RIPOR3: variants seen among roughly 807,000 people sequenced by gnomAD.
RIPOR3 encodes RIPOR family member 3.
In RIPOR3, 95 loss-of-function variants were observed where a neutral mutation model predicts 114.3. The observed-to-expected ratio is 0.83, with a 90% confidence interval of 0.70 to 0.99. The LOEUF is 0.99. Among genes scored for constraint, RIPOR3 ranks in the 50% least tolerant of loss-of-function variants. The pLI is 0.00. For missense variants in RIPOR3, 1,252 were observed against 1,266.9 expected (o/e 0.99, Z 0.18); for synonymous variants, 575 against 543.8 (o/e 1.06, Z -0.80).
chr20:50,660,965 C>T (rs1232592411), intron 1 of RIPOR3, among the ~76,000 whole-genome samples: 4 of 151,836 alleles, frequency 2.6e-5, no homozygotes, highest in South Asian at 2.1e-4. Flanking sequence ...AGGCCGGGTG[C>T]GGTGTCTCAT....
chr20:50,691,302 G>A lies in RIPOR3; in HGVS notation c.-174C>T. 1 of 807,492 alleles carries A rather than the reference G, an allele frequency of 1.2e-6. No homozygotes were observed. The highest frequency in any genetic ancestry group is 1.7e-6 in the Non-Finnish European group (1 of 571,620). The allele number at this position is 807,492 out of a possible 1,614,324, so 50.0% of individuals were successfully genotyped here. ...ACCAGCCGCTGGTCCCGCTCTCTGGGAAGATCGCCTTGAGGACCTGCTGCG... is the reference window on the plus strand; with the variant it reads ...ACCAGCCGCTGGTCCCGCTCTCTGGAAAGATCGCCTTGAGGACCTGCTGCG... On this transcript the variant is annotated 5_prime_UTR_variant, in exon 1 of 22. Coordinates refer to ENST00000327979, the MANE Select transcript of RIPOR3 (RefSeq NM_001290268.2).
At chr20:50,599,462 A>G (rs1441083343) in intron 13 of RIPOR3, among the ~76,000 whole-genome samples, 2 of 152,148 alleles carry the variant, frequency 1.3e-5, no homozygotes, top group African/African-American at 4.8e-5. Context: ...CATCGCTACA[A>G]CTCATGCCTG....
intron 1 of RIPOR3, among the ~76,000 whole-genome samples, chr20:50,665,387 A>ACTTGGCT (rs1288000350): frequency 6.7e-6 from 1 of 148,342 alleles, no homozygotes; most frequent in African/African-American, 2.5e-5. Context: ...TGTCTGGCTA[A>ACTTGGCT]CTTGGCTCTA....
intron 11 of RIPOR3, among the ~76,000 whole-genome samples, chr20:50,605,079 T>C (rs1229434302): frequency 6.6e-6 from 1 of 152,084 alleles, no homozygotes; most frequent in Non-Finnish European, 1.5e-5. Flanking sequence ...TGTACCACCA[T>C]GCTGGACTAA....
chr20:50,622,428 T>C (rs1343463340), intron 2 of RIPOR3, among the ~76,000 whole-genome samples: 1 of 152,098 alleles, frequency 6.6e-6, no homozygotes, highest in African/African-American at 2.4e-5. Context: ...ATGATCCACC[T>C]GCCTCAGCCT....
chr20:50,635,984 C>T (rs2084972546), intron 1 of RIPOR3, among the ~76,000 whole-genome samples: 1 of 152,246 alleles, frequency 6.6e-6, no homozygotes, highest in African/African-American at 2.4e-5. Flanking sequence ...TCAAGCCCAA[C>T]CTCTTTTGGC....
At chr20:50,607,400 A>T (rs1237883595) in intron 11 of RIPOR3, among the ~76,000 whole-genome samples, 3 of 152,200 alleles carry the variant, frequency 2.0e-5, no homozygotes, top group Non-Finnish European at 4.4e-5. Flanking sequence ...CACTCGGAGT[A>T]GGTAGGTCCC....
At chr20:50,626,238 C>T (rs544343756) in intron 2 of RIPOR3, among the ~76,000 whole-genome samples, 21 of 152,370 alleles carry the variant, frequency 1.4e-4, no homozygotes, top group African/African-American at 5.0e-4. Flanking sequence ...TCGGTGTGGG[C>T]AGCTTCTTCC....
intron 1 of RIPOR3, among the ~76,000 whole-genome samples, chr20:50,662,661 C>G (rs2086036343): frequency 1.3e-5 from 2 of 152,318 alleles, no homozygotes; most frequent in South Asian, 2.1e-4. Flanking sequence ...TCTCGTGGAC[C>G]CACAGGGGTG....
chr20:50,684,003 C>G (rs988155378), intron 1 of RIPOR3, among the ~76,000 whole-genome samples: 2 of 151,924 alleles, frequency 1.3e-5, no homozygotes, highest in Admixed American at 1.3e-4. Context: ...ATCACCTGAA[C>G]CCGGGAGGCA....
rs545666695 is a variant in RIPOR3 at position 50,630,781 on chromosome 20, C to A, written c.79G>T (p.Ala27Ser). 64 of 1,612,286 alleles carry A rather than the reference C, an allele frequency of 4.0e-5. No homozygotes were observed. The East Asian group carries it at 1.2e-3, about 31-fold the overall frequency. The change falls in exon 2 of 22, where the codon GCC becomes TCC. Residue 27 changes from alanine to serine, a missense_variant. Ala to Ser is a moderately conservative substitution (Grantham distance 99). Coordinates refer to ENST00000327979, the MANE Select transcript of RIPOR3 (RefSeq NM_001290268.2). Reference sequence around the variant, plus strand: ...GCACTGCTGAAGCCTGCGAAGGAGGCGCTCCGGCCCACGACCCCCACGGCC... The same window carrying A: ...GCACTGCTGAAGCCTGCGAAGGAGGAGCTCCGGCCCACGACCCCCACGGCC... ...TGAVGVVGRS[A>S]SFAGFSSAQS...
chr20:50,625,022 G>A (rs1449999715), intron 2 of RIPOR3, among the ~76,000 whole-genome samples: 1 of 152,016 alleles, frequency 6.6e-6, no homozygotes, highest in East Asian at 1.9e-4. Flanking sequence ...ATGATGACAG[G>A]CATGCACTCG....
chr20:50,681,101 G>A (rs535889672), intron 1 of RIPOR3, among the ~76,000 whole-genome samples: 7 of 151,722 alleles, frequency 4.6e-5, no homozygotes, highest in Non-Finnish European at 8.8e-5. Flanking sequence ...GTGCATGCCT[G>A]TAGTCCCAGC....
chr20:50,611,410 G>A (rs942304869), intron 4 of RIPOR3, among the ~76,000 whole-genome samples: 1 of 152,192 alleles, frequency 6.6e-6, no homozygotes, highest in South Asian at 2.1e-4. Context: ...CATGCACGTG[G>A]GATGAGGCAG....
At chr20:50,593,923 G>A (rs1389265877) in intron 17 of RIPOR3, among the ~76,000 whole-genome samples, 1 of 151,898 alleles carries the variant, frequency 6.6e-6, no homozygotes, top group Admixed American at 6.6e-5. Flanking sequence ...TTCCCATAAG[G>A]TTCATTCTTT....
At chr20:50,589,652 C>G (rs879861079) in intron 20 of RIPOR3, 34 bp downstream of exon 20, 9 of 1,606,250 alleles carry the variant, frequency 5.6e-6, no homozygotes, top group Non-Finnish European at 7.7e-6. Flanking sequence ...GCAGGCTTTT[C>G]TATCAGCCAC....
intron 1 of RIPOR3, among the ~76,000 whole-genome samples, chr20:50,640,912 T>C (rs2085167495): frequency 6.6e-6 from 1 of 151,154 alleles, no homozygotes; most frequent in Non-Finnish European, 1.5e-5. Context: ...GCACTTCTTT[T>C]TTTTTTTTTT....
chr20:50,627,691 A>AG (rs2084672014), intron 2 of RIPOR3, among the ~76,000 whole-genome samples: 1 of 152,088 alleles, frequency 6.6e-6, no homozygotes, highest in East Asian at 1.9e-4. Context: ...AAAAAAAAAA[A>AG]AATTTTGGGA....
chr20:50,616,012 TTC>T lies in RIPOR3; in HGVS notation c.336_337del (p.Asn113PhefsTer8). 2 of 1,608,744 alleles carry T rather than the reference TTC, an allele frequency of 1.2e-6. No individual in the cohort carries two copies. The highest frequency in any genetic ancestry group is 4.5e-5 in the East Asian group (2 of 44,822). ...AGGGAGGGGTCTCACCAGCCTGGAA[TTC>T]CTCCTGGTGTCTTTGTGGCGTCCAG... On this transcript the variant is annotated frameshift_variant, in exon 4 of 22. Transcript: ENST00000327979. LOFTEE classifies it high-confidence loss of function.
Sources: gnomAD v4.1 joint callset for allele counts (sites outside exome capture counted in the v4.1 genomes callset) on GRCh38, gnomAD v4.1.1 for gene constraint, MANE v1.5 for transcripts, NCBI Gene and HGNC (gene_info 2026-07-23, HGNC 2026-07-21) for gene names.